Variants in VAV2 observed in about 807,000 individuals in gnomAD.
The protein encoded by VAV2 is guanine nucleotide exchange factor VAV2.
A neutral mutation model predicts 132.5 loss-of-function variants in VAV2; 67 were observed. The observed-to-expected ratio is 0.51, with a 90% CI of 0.42 to 0.62. The LOEUF (loss-of-function observed/expected upper bound fraction) is 0.62, where lower values mean the gene tolerates loss of function less well. VAV2 is among the 20% of genes least tolerant of loss of function. The pLI, the probability that VAV2 is intolerant of heterozygous loss-of-function variation, is 0.00. For missense variants in VAV2, 938 were observed against 1,153.6 expected (o/e 0.81, Z 2.71); for synonymous variants, 492 against 443.5 (o/e 1.11, Z -1.37).
intron 1 of VAV2, among the ~76,000 whole-genome samples, chr9:133,940,332 T>C (rs2132139741): frequency 6.6e-6 from 1 of 152,158 alleles, no homozygotes; most frequent in East Asian, 1.9e-4. Context: ...TCCTCATCAA[T>C]AACCGTCCCC....
At chr9:133,942,492 G>A (rs549224866) in intron 1 of VAV2, among the ~76,000 whole-genome samples, 13 of 152,392 alleles carry the variant, frequency 8.5e-5, no homozygotes, top group African/African-American at 2.9e-4. Flanking sequence ...GGCCTGAGCC[G>A]GGGCAGGGGC....
chr9:133,915,677 C>T (rs978191132), intron 2 of VAV2, among the ~76,000 whole-genome samples: 13 of 151,168 alleles, frequency 8.6e-5, no homozygotes, highest in African/African-American at 3.2e-4. Flanking sequence ...TGCACACACA[C>T]ACAATGCACA....
At chr9:133,963,306 G>A (rs928027406) in intron 1 of VAV2, among the ~76,000 whole-genome samples, 25 of 152,272 alleles carry the variant, frequency 1.6e-4, no homozygotes, top group African/African-American at 6.0e-4. Context: ...GCACGGTCAG[G>A]AAGACCCAGG....
intron 12 of VAV2, among the ~76,000 whole-genome samples, chr9:133,792,979 C>T (rs1343321111): frequency 6.6e-6 from 1 of 152,142 alleles, no homozygotes; most frequent in African/African-American, 2.4e-5. Flanking sequence ...CATCAGGCCA[C>T]ATAAGAGCCA....
At chr9:133,866,211 C>T (rs755682629) in intron 2 of VAV2, among the ~76,000 whole-genome samples, 1 of 152,228 alleles carries the variant, frequency 6.6e-6, no homozygotes, top group Non-Finnish European at 1.5e-5. Context: ...TTTGACATCC[C>T]TCTTGGTTTC....
intron 2 of VAV2, among the ~76,000 whole-genome samples, chr9:133,909,391 A>G (rs913536240): frequency 3.3e-5 from 5 of 152,178 alleles, no homozygotes; most frequent in African/African-American, 7.2e-5. Flanking sequence ...GCAACTAACA[A>G]TCTCTCTCTG....
intron 3 of VAV2, among the ~76,000 whole-genome samples, chr9:133,850,190 G>A (rs1237868958): frequency 6.6e-6 from 1 of 152,200 alleles, no homozygotes; most frequent in Non-Finnish European, 1.5e-5. Flanking sequence ...GGAACCTGGT[G>A]AGGGTCACAC....
chr9:133,870,159 C>A (rs1837971356), intron 2 of VAV2, among the ~76,000 whole-genome samples: 1 of 152,106 alleles, frequency 6.6e-6, no homozygotes, highest in African/African-American at 2.4e-5. Flanking sequence ...GCTGGAAAAA[C>A]AAAAGCGAGC....
intron 2 of VAV2, among the ~76,000 whole-genome samples, chr9:133,904,647 C>T (rs1236860418): frequency 6.6e-6 from 1 of 152,254 alleles, no homozygotes; most frequent in Admixed American, 6.5e-5. Flanking sequence ...CCCGCTGCTC[C>T]CAGGACACAG....
At chr9:133,791,406 G>A (rs780601751) in intron 13 of VAV2, among the ~76,000 whole-genome samples, 1 of 152,128 alleles carries the variant, frequency 6.6e-6, no homozygotes, top group Non-Finnish European at 1.5e-5. Context: ...AGGGGTCCAC[G>A]AACCAGGGGG....
chr9:133,764,550 G>C (rs1833372735), intron 29 of VAV2, among the ~76,000 whole-genome samples: 1 of 152,130 alleles, frequency 6.6e-6, no homozygotes, highest in African/African-American at 2.4e-5. Flanking sequence ...CGGATGAAAA[G>C]GCAGACAATT....
intron 3 of VAV2, among the ~76,000 whole-genome samples, chr9:133,854,106 CACAT>C (rs1424864087): frequency 6.9e-6 from 1 of 144,304 alleles, no homozygotes; most frequent in Admixed American, 6.8e-5. Flanking sequence ...CACATGCACA[CACAT>C]ACCCCTTGCA....
intron 3 of VAV2, among the ~76,000 whole-genome samples, chr9:133,848,626 G>A (rs1011311945): frequency 1.3e-5 from 2 of 152,256 alleles, no homozygotes; most frequent in Non-Finnish European, 1.5e-5. Context: ...GCCGCTAAGC[G>A]CTGCCTTCAA....
chr9:133,903,278 C>T (rs951632569), intron 2 of VAV2, among the ~76,000 whole-genome samples: 3 of 152,112 alleles, frequency 2.0e-5, no homozygotes, highest in Admixed American at 6.5e-5. Context: ...CAGTACATTT[C>T]GGTGGTTTCA....
At chr9:133,978,435 G>T (rs759649496) in intron 1 of VAV2, among the ~76,000 whole-genome samples, 6 of 152,248 alleles carry the variant, frequency 3.9e-5, no homozygotes, top group East Asian at 1.9e-4. Context: ...ACTTGGAGAC[G>T]GGCTCCCCAA....
intron 5 of VAV2, 94 bp from the exon 6 acceptor site, chr9:133,810,299 C>G (rs994426341): frequency 1.3e-6 from 2 of 1,579,168 alleles, no homozygotes; most frequent in African/African-American, 2.7e-5. Flanking sequence ...AACGCCACCC[C>G]ACAACCAGCC....
intron 2 of VAV2, among the ~76,000 whole-genome samples, chr9:133,872,982 G>A (rs1472502866): frequency 6.6e-6 from 1 of 151,872 alleles, no homozygotes; most frequent in Non-Finnish European, 1.5e-5. Context: ...GTGTGGTGGT[G>A]TGCACCTGTA....
intron 2 of VAV2, among the ~76,000 whole-genome samples, chr9:133,887,285 C>T (rs1023211988): frequency 6.6e-6 from 1 of 152,146 alleles, no homozygotes; most frequent in African/African-American, 2.4e-5. Context: ...GCAGTGAGGG[C>T]CCCAGACCCC....
Position 133,992,022 on chromosome 9 carries a change from C to T in VAV2, c.204+53G>A, listed in dbSNP as rs1211287295. On this transcript the variant is annotated intron_variant, in intron 1 of 29. Coordinates refer to ENST00000371850, the MANE Select transcript of VAV2 (RefSeq NM_001134398.2). This position sits in a 1 kb window ranked among gnomAD's most constrained non-coding sequence, Gnocchi z 5.5. ...CGACCTCCGCGTTCAGTCCGCGCGT[C>T]GGGCAGCGCGAACGCCGCCTCCCCG... 8.5e-6 allele frequency: 12 copies of T among 1,406,792 alleles called. No individual in the cohort carries two copies. Among genetic ancestry groups the T allele is most frequent in the Non-Finnish European group, 1.0e-5 (11 of 1,070,082 alleles). The allele number at this position is 1,406,792 out of a possible 1,614,324, so 87.1% of individuals were successfully genotyped here.
Sources: allele counts gnomAD v4.1 joint callset (sites outside exome capture counted in the v4.1 genomes callset), GRCh38; gene constraint gnomAD v4.1.1; non-coding constraint Gnocchi (gnomAD v3.1); transcripts MANE v1.5; gene names NCBI Gene and HGNC (gene_info 2026-07-23, HGNC 2026-07-21).